Variants in ALOX5 observed in about 807,000 individuals in gnomAD.
ALOX5 encodes arachidonate 5-lipoxygenase.
ALOX5 carries 64 observed loss-of-function variants against 87.9 expected under a neutral mutation model. The observed-to-expected ratio is 0.73, with a 90% confidence interval of 0.60 to 0.90. The LOEUF (loss-of-function observed/expected upper bound fraction) is 0.90, where lower values mean the gene tolerates loss of function less well. Among genes scored for constraint, ALOX5 ranks in the 40% least tolerant of loss-of-function variants. The pLI is 0.00. For missense variants in ALOX5, 822 were observed against 907.5 expected, an observed-to-expected ratio of 0.91 and a Z score of 1.21; for synonymous variants, 388 against 355.1, an observed-to-expected ratio of 1.09 and a Z score of -1.04.
chr10:45,435,565 G>A (rs908210061), intron 7 of ALOX5, among the ~76,000 whole-genome samples: 3 of 152,172 alleles, frequency 2.0e-5, no homozygotes, highest in Admixed American at 6.5e-5. Context: ...TATGGCTTAA[G>A]TGCCAATCCT....
Position 45,443,078 on chromosome 10 carries a change from A to C in ALOX5, c.1313A>C (p.Gln438Pro), listed in dbSNP as rs1013946436. 1.9e-6 allele frequency: 3 copies of C among 1,613,734 alleles called. No individual in the cohort carries two copies. Among genetic ancestry groups the C allele is most frequent in the Non-Finnish European group, 2.5e-6 (3 of 1,179,994 alleles). The stretch of plus-strand genomic sequence containing the variant: ...GGCGGTGGGCACGTGCAGATGGTGC[A>C]GAGGGCCATGAAGGACCTGACCTAT... ...TGGGGHVQMVQRAMKDLTYAS... is the reference protein window; with the variant it reads ...TGGGGHVQMVPRAMKDLTYAS... The change falls in exon 10 of 14, where the codon CAG becomes CCG. Residue 438 changes from glutamine to proline, a missense_variant. Gln to Pro is a moderately conservative substitution (Grantham distance 76). Transcript: ENST00000374391.
At position 45,376,542 on chromosome 10, in the gene ALOX5, C is replaced by A. The variant is rs570418366; in HGVS notation, c.150+2113C>A. On this transcript the variant is annotated intron_variant, in intron 1 of 13. Coordinates refer to ENST00000374391, the MANE Select transcript of ALOX5 (RefSeq NM_000698.5). The stretch of plus-strand genomic sequence containing the variant: ...TTTTTGGGTAAAGGTAAAAGAGAAA[C>A]CCTAGAGGAAGTACTTGCTGAGAAG... 6.6e-5 allele frequency among the ~76,000 whole-genome samples: 10 copies of A among 152,264 alleles called. No homozygotes were observed. In the East Asian group the frequency reaches 1.9e-3, roughly 29 times the overall value.
chr10:45,377,506 C>T (rs17157733), intron 1 of ALOX5, among the ~76,000 whole-genome samples: 25,338 of 151,954 alleles, frequency 0.17, 2,188 homozygotes, highest in South Asian at 0.19. Context: ...CAATCTCCGG[C>T]TCTCTGTCCC....
At position 45,425,719 on chromosome 10, in the gene ALOX5, G is replaced by A. The variant is rs1000910980; in HGVS notation, c.834+587G>A. 6.6e-6 allele frequency among the ~76,000 whole-genome samples: 1 copy of A among 152,194 alleles called. No homozygotes were observed. The highest frequency in any genetic ancestry group is 2.4e-5 in the African/African-American group (1 of 41,438). On this transcript the variant is annotated intron_variant, in intron 6 of 13. Transcript: ENST00000374391. This position sits in a 1 kb window ranked among gnomAD's most constrained non-coding sequence, Gnocchi z 4.4. Reference sequence around the variant, plus strand: ...GAAGAAGTTCAAACCAACTCCACCTGGATCTGGTGGGGCTCAGCAACAGGC... The same window carrying A: ...GAAGAAGTTCAAACCAACTCCACCTAGATCTGGTGGGGCTCAGCAACAGGC...
intron 1 of ALOX5, among the ~76,000 whole-genome samples, chr10:45,381,370 A>G (rs1839821437): frequency 6.6e-6 from 1 of 152,112 alleles, no homozygotes; most frequent in Non-Finnish European, 1.5e-5. Context: ...AAGCCTCACC[A>G]TTTTCACTCA....
In ALOX5 at chr10:45,406,442, C is replaced by T. The variant is rs549578963; in HGVS notation, c.432-5749C>T. Among the ~76,000 whole-genome samples, 5 of 152,274 alleles carry T rather than the reference C, an allele frequency of 3.3e-5. No homozygotes were observed. The East Asian group carries it at 9.6e-4, about 29-fold the overall frequency. ...CTTAAGTTTTTCATAATGAGAATTA[C>T]TTTGAACTTCACATAACTGTGTTAT... On this transcript the variant is annotated intron_variant, in intron 3 of 13. Transcript: ENST00000374391.
intron 7 of ALOX5, among the ~76,000 whole-genome samples, chr10:45,438,631 T>A (rs1842129392): frequency 6.6e-6 from 1 of 152,134 alleles, no homozygotes; most frequent in South Asian, 2.1e-4. Context: ...AGATCAGGTA[T>A]CAGTGGCCCA....
intron 2 of ALOX5, among the ~76,000 whole-genome samples, chr10:45,391,346 C>T (rs1303863462): frequency 4.6e-5 from 7 of 152,350 alleles, no homozygotes; most frequent in South Asian, 2.1e-4. Context: ...CCGCCAGCCT[C>T]GGCCTCCCGA....
chr10:45,420,540 C>T (rs929961959), intron 4 of ALOX5, among the ~76,000 whole-genome samples: 15 of 152,368 alleles, frequency 9.8e-5, no homozygotes, highest in African/African-American at 3.4e-4. Context: ...GGCTACACTC[C>T]CCGCCTAGAG....
At chr10:45,436,070 T>C (rs937614258) in intron 7 of ALOX5, among the ~76,000 whole-genome samples, 1 of 152,264 alleles carries the variant, frequency 6.6e-6, no homozygotes, top group African/African-American at 2.4e-5. Context: ...GTATGTCTTC[T>C]TTTGAGAAGT....
In ALOX5 at chr10:45,415,032, C is replaced by T. The variant is rs559106364; in HGVS notation, c.554+2719C>T. Among the ~76,000 whole-genome samples the T allele has an allele frequency of 2.2e-3, 334 of 152,310 alleles. 1 individual carries two copies. Among genetic ancestry groups the T allele is most frequent in the African/African-American group, 7.6e-3 (317 of 41,564 alleles). On this transcript the variant is annotated intron_variant, in intron 4 of 13. Transcript: ENST00000374391. ...CATTGTGGAAGACAGTGTGACGATT[C>T]CTCAAGGATCTAGAACTAGAAATAC...
Position 45,406,004 on chromosome 10 carries a change from A to T in ALOX5, c.432-6187A>T, listed in dbSNP as rs537671801. Reference sequence around the variant, plus strand: ...GATGTCTTTCCTCCTGACTTGGATGACAGGGATGATGATACCCACGGTACA... The same window carrying T: ...GATGTCTTTCCTCCTGACTTGGATGTCAGGGATGATGATACCCACGGTACA... On this transcript the variant is annotated intron_variant, in intron 3 of 13. Coordinates refer to ENST00000374391, the MANE Select transcript of ALOX5 (RefSeq NM_000698.5). 6.6e-5 allele frequency among the ~76,000 whole-genome samples: 10 copies of T among 152,278 alleles called. No individual in the cohort carries two copies. The South Asian group carries it at 2.1e-3, about 32-fold the overall frequency.
At chr10:45,443,676 GC>G in intron 11 of ALOX5, 51 bp from the exon 12 acceptor site, 1 of 1,593,112 alleles carries the variant, frequency 6.3e-7, no homozygotes, top group Non-Finnish European at 8.5e-7. Flanking sequence ...TGGGCGCCGG[GC>G]CCTGGGGTCC....
In ALOX5 at chr10:45,428,764, G is replaced by A; in HGVS notation, c.981G>A (p.Gln327=). Residue 327 remains glutamine (Q), a splice_region_variant and synonymous_variant, in exon 7 of 14, where the codon CAG becomes CAA. Coordinates refer to ENST00000374391, the MANE Select transcript of ALOX5 (RefSeq NM_000698.5). ...LANKIVPIAI[Q]LNQIPGDENP... ...ACAAGATTGTCCCCATTGCCATCCAGGTAGGCTGCTGGGGGGCACACCTTT... is the reference window on the plus strand; with the variant it reads ...ACAAGATTGTCCCCATTGCCATCCAAGTAGGCTGCTGGGGGGCACACCTTT... The A allele has an allele frequency of 1.2e-6, 2 of 1,613,760 alleles. No individual in the cohort carries two copies. Among genetic ancestry groups the A allele is most frequent in the Non-Finnish European group, 1.7e-6 (2 of 1,179,990 alleles).
intron 6 of ALOX5, among the ~76,000 whole-genome samples, chr10:45,428,206 C>G (rs1021482248): frequency 1.3e-5 from 2 of 149,246 alleles, no homozygotes; most frequent in African/African-American, 2.5e-5. Context: ...AGACCCCTGT[C>G]CTGGCTCTGA....
chr10:45,444,061 A>G, intron 12 of ALOX5, 55 bp from the exon 13 acceptor site: 1 of 1,489,306 alleles, frequency 6.7e-7, no homozygotes. Flanking sequence ...CCCAGGGGGC[A>G]GCTGGGCAGC....
chr10:45,428,103 G>A (rs905873975), intron 6 of ALOX5, among the ~76,000 whole-genome samples: 2 of 144,290 alleles, frequency 1.4e-5, no homozygotes, highest in East Asian at 4.0e-4. Flanking sequence ...AGAGTCCCCT[G>A]CCCGTGCAGA....
In ALOX5 at chr10:45,443,140, G is replaced by A; in HGVS notation, c.1375G>A (p.Gly459Ser). Residue 459 changes from glycine (G) to serine (S), a missense_variant, in exon 10 of 14, where the codon GGC becomes AGC. Coordinates refer to ENST00000374391, the MANE Select transcript of ALOX5 (RefSeq NM_000698.5). ...CTTTCCCGAGGCCATCAAGGCCCGG[G>A]GCATGGAGAGCAAAGAAGACATCCC... is the stretch of plus-strand genomic sequence containing the variant. ...LCFPEAIKAR[G>S]MESKEDIPYY... The A allele has an allele frequency of 6.2e-7, 1 of 1,613,880 alleles. No individual in the cohort carries two copies. The highest frequency in any genetic ancestry group is 8.5e-7 in the Non-Finnish European group (1 of 1,179,996).
At chr10:45,392,721 AAAAAG>A (rs908290296) in intron 2 of ALOX5, among the ~76,000 whole-genome samples, 1 of 151,610 alleles carries the variant, frequency 6.6e-6, no homozygotes, top group South Asian at 2.1e-4. Context: ...AAAAGAAAAA[AAAAAG>A]AAGAGAAGAA....
Sources: allele counts gnomAD v4.1 joint callset (sites outside exome capture counted in the v4.1 genomes callset), GRCh38; gene constraint gnomAD v4.1.1; non-coding constraint Gnocchi (gnomAD v3.1); transcripts MANE v1.5; gene names NCBI Gene and HGNC (gene_info 2026-07-23, HGNC 2026-07-21).